Variants in GPC5 observed in about 807,000 individuals in gnomAD.
GPC5 encodes glypican 5.
GPC5 carries 47 observed loss-of-function variants against 53.9 expected under a neutral mutation model. The observed-to-expected ratio is 0.87, with a 90% CI of 0.69 to 1.11. The LOEUF is 1.11. GPC5 is among the 50% of genes most tolerant of loss of function. GPC5 has a pLI of 0.00. For missense variants in GPC5, 748 were observed against 713.1 expected (o/e 1.05, Z -0.56); for synonymous variants, 286 against 263.3 (o/e 1.09, Z -0.84).
chr13:92,722,472 C>T (rs1888533152), intron 7 of GPC5, among the ~76,000 whole-genome samples: 1 of 151,830 alleles, frequency 6.6e-6, no homozygotes, highest in Admixed American at 6.6e-5. Context: ...CAGAATAAAG[C>T]ATAAATTTCC....
chr13:92,100,424 T>G (rs1284772948), intron 6 of GPC5, among the ~76,000 whole-genome samples: 1 of 152,086 alleles, frequency 6.6e-6, no homozygotes, highest in Non-Finnish European at 1.5e-5. Flanking sequence ...AAAGTTAAAT[T>G]TAGATGAAAT....
chr13:92,642,536 G>A (rs1885628745), intron 7 of GPC5, among the ~76,000 whole-genome samples: 1 of 152,216 alleles, frequency 6.6e-6, no homozygotes, highest in African/African-American at 2.4e-5. Flanking sequence ...GATAGAGATT[G>A]AAGAGGACGC....
chr13:92,650,845 G>A (rs969454820), intron 7 of GPC5, among the ~76,000 whole-genome samples: 2 of 152,076 alleles, frequency 1.3e-5, no homozygotes, highest in Non-Finnish European at 2.9e-5. Context: ...AGAACGTGGA[G>A]GTTTGTTGCA....
chr13:91,916,315 G>A (rs967972813), intron 6 of GPC5, among the ~76,000 whole-genome samples: 4 of 152,102 alleles, frequency 2.6e-5, no homozygotes, highest in Non-Finnish European at 4.4e-5. Context: ...AAGGAAATAC[G>A]TGTCTACACA....
chr13:92,796,811 AAT>A (rs1379511380), intron 7 of GPC5, among the ~76,000 whole-genome samples: 2 of 151,902 alleles, frequency 1.3e-5, no homozygotes, highest in African/African-American at 4.8e-5. Context: ...ACGTATTTTA[AAT>A]ATGTTGGTTT....
intron 2 of GPC5, among the ~76,000 whole-genome samples, chr13:91,673,486 A>G (rs1292686254): frequency 6.6e-6 from 1 of 152,152 alleles, no homozygotes; most frequent in African/African-American, 2.4e-5. Context: ...TATTAGAAGA[A>G]TATATTAAAA....
intron 5 of GPC5, among the ~76,000 whole-genome samples, chr13:91,889,544 C>G (rs914105385): frequency 4.0e-5 from 6 of 151,816 alleles, no homozygotes; most frequent in African/African-American, 2.4e-5. Flanking sequence ...TGGGCCAAAT[C>G]AGCATTAAAA....
chr13:92,711,845 T>C (rs1323396605), intron 7 of GPC5, among the ~76,000 whole-genome samples: 1 of 151,904 alleles, frequency 6.6e-6, no homozygotes, highest in African/African-American at 2.4e-5. Context: ...ACAGCAAGTT[T>C]CAAGAGAAAA....
chr13:91,547,404 G>A (rs1328682438), intron 2 of GPC5, among the ~76,000 whole-genome samples: 1 of 152,006 alleles, frequency 6.6e-6, no homozygotes, highest in Non-Finnish European at 1.5e-5. Context: ...TAATAACCTA[G>A]ATGAAATGGA....
At chr13:92,111,265 G>C (rs1226936973) in intron 6 of GPC5, among the ~76,000 whole-genome samples, 1 of 152,082 alleles carries the variant, frequency 6.6e-6, no homozygotes, top group Non-Finnish European at 1.5e-5. Flanking sequence ...TTATGATCCA[G>C]AGAAGGTAGG....
At chr13:92,334,901 A>G (rs947787672) in intron 7 of GPC5, among the ~76,000 whole-genome samples, 1 of 152,094 alleles carries the variant, frequency 6.6e-6, no homozygotes, top group African/African-American at 2.4e-5. Context: ...ATGGCTTTGC[A>G]GGGTACACTG....
At position 92,372,447 on chromosome 13, in the gene GPC5, C is replaced by G. The variant is rs1355705199; in HGVS notation, c.1561+227458C>G. On this transcript the variant is annotated intron_variant, in intron 7 of 7. Transcript: ENST00000377067. ...AAAAACATTACTAATTTTAACCAAG[C>G]TTTTTATACTCTTTTTATGATATCA... Among the ~76,000 whole-genome samples, 2 of 152,052 alleles carry G rather than the reference C, an allele frequency of 1.3e-5. 1 individual carries two copies. The highest frequency in any genetic ancestry group is 2.9e-5 in the Non-Finnish European group (2 of 68,012).
intron 2 of GPC5, among the ~76,000 whole-genome samples, chr13:91,651,172 T>C (rs1450757559): frequency 6.6e-6 from 1 of 152,150 alleles, no homozygotes; most frequent in Non-Finnish European, 1.5e-5. Context: ...CAAAAATGCA[T>C]GTGGCTTTAA....
At chr13:92,166,542 T>C (rs1269053544) in intron 7 of GPC5, among the ~76,000 whole-genome samples, 1 of 151,042 alleles carries the variant, frequency 6.6e-6, no homozygotes, top group African/African-American at 2.5e-5. Flanking sequence ...ACTTCCATTG[T>C]CAAAGGTAGT....
chr13:92,433,274 A>C (rs923769779), intron 7 of GPC5, among the ~76,000 whole-genome samples: 1 of 152,122 alleles, frequency 6.6e-6, no homozygotes, highest in Non-Finnish European at 1.5e-5. Context: ...AGAAGGCAGA[A>C]TATCTAGATA....
At chr13:92,091,750 A>ACC (rs201646983) in intron 6 of GPC5, among the ~76,000 whole-genome samples, 4 of 114,916 alleles carry the variant, frequency 3.5e-5, no homozygotes, top group African/African-American at 1.3e-4. Flanking sequence ...CAAGAATTTC[A>ACC]CCCCCCCACA....
intron 3 of GPC5, among the ~76,000 whole-genome samples, chr13:91,695,466 C>T (rs1020168835): frequency 1.1e-4 from 16 of 152,216 alleles, no homozygotes; most frequent in South Asian, 6.2e-4. Context: ...CTCCGCCTTC[C>T]GGGTTCATGC....
chr13:92,370,092 T>C (rs1301617136), intron 7 of GPC5, among the ~76,000 whole-genome samples: 3 of 152,178 alleles, frequency 2.0e-5, no homozygotes, highest in South Asian at 2.1e-4. Flanking sequence ...ATTAATTTGA[T>C]TAAAACAAAC....
chr13:92,826,086 G>A (rs2138815386), intron 7 of GPC5, among the ~76,000 whole-genome samples: 1 of 152,212 alleles, frequency 6.6e-6, no homozygotes, highest in African/African-American at 2.4e-5. Flanking sequence ...CCATGCCGTT[G>A]TGTAAATCTC....
Sources: gnomAD v4.1 joint callset for allele counts (sites outside exome capture counted in the v4.1 genomes callset) on GRCh38, gnomAD v4.1.1 for gene constraint, MANE v1.5 for transcripts, NCBI Gene and HGNC (gene_info 2026-07-23, HGNC 2026-07-21) for gene names.